BBS9: variants seen among roughly 807,000 people sequenced by gnomAD.
BBS9 encodes the protein Bardet-Biedl syndrome 9, also known as protein PTHB1.
A neutral mutation model predicts 117.7 loss-of-function variants in BBS9; 89 were observed. That is an observed-to-expected ratio of 0.76 (90% confidence interval 0.64 to 0.90). BBS9 has a LOEUF of 0.90. BBS9 is among the 40% of genes least tolerant of loss of function. The pLI, the probability that BBS9 is intolerant of heterozygous loss-of-function variation, is 0.00. For missense variants in BBS9, 982 were observed against 1,042.2 expected, an observed-to-expected ratio of 0.94 and a Z score of 0.80; for synonymous variants, 379 against 370.9, an observed-to-expected ratio of 1.02 and a Z score of -0.25.
chr7:33,478,768 TCTAA>T (rs1842130195), intron 19 of BBS9, among the ~76,000 whole-genome samples: 3 of 152,124 alleles, frequency 2.0e-5, no homozygotes, highest in East Asian at 1.9e-4. Context: ...TATTTTATTT[TCTAA>T]CTGTTTGTGA....
At chr7:33,209,546 A>T (rs1787615632) in intron 5 of BBS9, among the ~76,000 whole-genome samples, 1 of 152,110 alleles carries the variant, frequency 6.6e-6, no homozygotes, top group Non-Finnish European at 1.5e-5. Context: ...GATTGTACTA[A>T]TTATTCCCAT....
At chr7:33,392,144 C>T (rs990510197) in intron 19 of BBS9, among the ~76,000 whole-genome samples, 2 of 152,204 alleles carry the variant, frequency 1.3e-5, no homozygotes, top group African/African-American at 4.8e-5. Flanking sequence ...CATTCTTCTA[C>T]TGAGCTAAAA....
At chr7:33,320,887 C>A (rs1811572667) in intron 9 of BBS9, among the ~76,000 whole-genome samples, 1 of 151,836 alleles carries the variant, frequency 6.6e-6, no homozygotes, top group African/African-American at 2.4e-5. Flanking sequence ...AGTCTTTAAT[C>A]CATTTTGATT....
At chr7:33,262,949 A>G (rs1026725778) in intron 6 of BBS9, among the ~76,000 whole-genome samples, 3 of 152,096 alleles carry the variant, frequency 2.0e-5, no homozygotes, top group African/African-American at 4.8e-5. Flanking sequence ...ACTCTGAGTT[A>G]TACTTAGCTG....
intron 18 of BBS9, 137 bp downstream of exon 18, chr7:33,383,975 GT>G: frequency 7.6e-6 from 7 of 916,596 alleles, no homozygotes; most frequent in Non-Finnish European, 1.1e-5. Flanking sequence ...GGTGGATTTC[GT>G]GAATCCATTC....
chr7:33,299,811 C>T (rs112387756), intron 9 of BBS9, among the ~76,000 whole-genome samples: 36 of 152,100 alleles, frequency 2.4e-4, no homozygotes, highest in African/African-American at 7.2e-4. Context: ...CGCTTAGAAA[C>T]GTTAGCAAAC....
In BBS9 at chr7:33,165,351, AT is replaced by A. The variant is rs1795506676; in HGVS notation, c.328+9652del. Among the ~76,000 whole-genome samples, 3 of 151,972 alleles carry A rather than the reference AT, an allele frequency of 2.0e-5. No individual in the cohort carries two copies. In the South Asian group the frequency reaches 6.2e-4, roughly 32 times the overall value. On this transcript the variant is annotated intron_variant, in intron 4 of 22. Coordinates refer to ENST00000242067, the MANE Select transcript of BBS9 (RefSeq NM_198428.3). ...GGAGTGTCTTTGTGGCATTATCTGT[AT>A]TTCCTGAATTTGAATGTTGGCCTGC...
intron 21 of BBS9, among the ~76,000 whole-genome samples, chr7:33,598,600 T>C (rs1863293108): frequency 6.6e-6 from 1 of 152,180 alleles, no homozygotes; most frequent in African/African-American, 2.4e-5. Flanking sequence ...AGAGGATATA[T>C]AGGAATTCTC....
At chr7:33,207,391 C>T (rs1787128625) in intron 5 of BBS9, among the ~76,000 whole-genome samples, 1 of 152,096 alleles carries the variant, frequency 6.6e-6, no homozygotes, top group African/African-American at 2.4e-5. Context: ...TATTTGTCTG[C>T]TTATTATGTG....
At chr7:33,203,935 C>T (rs192372138) in intron 5 of BBS9, among the ~76,000 whole-genome samples, 2,543 of 150,450 alleles carry the variant, frequency 0.017, 59 homozygotes, top group African/African-American at 0.058. Context: ...ATTGGCCAGG[C>T]TGGTCTCAAA....
Position 33,383,981 on chromosome 7 carries a change from C to A in BBS9, c.1962+143C>A, listed in dbSNP as rs189213369. 5.9e-6 allele frequency: 5 copies of A among 853,450 alleles called. No homozygotes were observed. The East Asian group carries it at 1.3e-4, about 23-fold the overall frequency. 52.9% of individuals were successfully genotyped at this position (853,450 alleles called of 1,614,324 possible). On this transcript the variant is annotated intron_variant, in intron 18 of 22. Transcript: ENST00000242067. Reference sequence around the variant, plus strand: ...TATGTGGATGGTGGATTTCGTGAATCCATTCCTGCCCACTTGCCCAGTTTG... The same window carrying A: ...TATGTGGATGGTGGATTTCGTGAATACATTCCTGCCCACTTGCCCAGTTTG...
chr7:33,517,141 G>T (rs1196728940), intron 20 of BBS9, among the ~76,000 whole-genome samples: 1 of 152,242 alleles, frequency 6.6e-6, no homozygotes, highest in Non-Finnish European at 1.5e-5. Flanking sequence ...GAAAATGGGA[G>T]AAGAGTTAAA....
chr7:33,316,638 A>AT (rs1251672223), intron 9 of BBS9, among the ~76,000 whole-genome samples: 1 of 152,176 alleles, frequency 6.6e-6, no homozygotes, highest in Admixed American at 6.5e-5. Flanking sequence ...CATTTCCCTG[A>AT]TAACTAATGA....
intron 5 of BBS9, among the ~76,000 whole-genome samples, chr7:33,185,769 A>G (rs1798725788): frequency 6.6e-6 from 1 of 152,214 alleles, no homozygotes; most frequent in Non-Finnish European, 1.5e-5. Context: ...GTCATGTCTC[A>G]ATAAAGGAAT....
chr7:33,268,014 A>G (rs1292878838), intron 7 of BBS9, among the ~76,000 whole-genome samples: 1 of 152,148 alleles, frequency 6.6e-6, no homozygotes, highest in Non-Finnish European at 1.5e-5. Flanking sequence ...AAGACTTGTT[A>G]AGTGGGACCA....
intron 9 of BBS9, among the ~76,000 whole-genome samples, chr7:33,325,787 G>A (rs1017664680): frequency 6.6e-6 from 1 of 152,066 alleles, no homozygotes; most frequent in African/African-American, 2.4e-5. Context: ...TAATTCTCTG[G>A]ATTACTAGGG....
Position 33,383,721 on chromosome 7 carries a change from G to A in BBS9, c.1845G>A (p.Glu615=). The change falls in exon 18 of 23, where the codon GAG becomes GAA. Residue 615 remains glutamate, a synonymous_variant. Coordinates refer to ENST00000242067, the MANE Select transcript of BBS9 (RefSeq NM_198428.3). ...QFEDLWLITN[E]LILRLQEYFE... The stretch of plus-strand genomic sequence containing the variant: ...AAGATCTTTGGCTCATAACCAATGA[G>A]CTTATTCTTCGCCTTCAAGAATATT... 2 of 1,611,816 alleles carry A rather than the reference G, an allele frequency of 1.2e-6. No individual in the cohort carries two copies. Among genetic ancestry groups the A allele is most frequent in the Non-Finnish European group, 8.5e-7 (1 of 1,178,870 alleles).
At chr7:33,504,874 C>T (rs1845930327) in intron 19 of BBS9, among the ~76,000 whole-genome samples, 1 of 150,206 alleles carries the variant, frequency 6.7e-6, no homozygotes, top group Non-Finnish European at 1.5e-5. Context: ...CTTTCAGGTC[C>T]CTGTGGGCTG....
intron 20 of BBS9, chr7:33,533,607 A>G (rs1175507353): frequency 3.4e-6 from 1 of 295,736 alleles, no homozygotes; most frequent in African/African-American, 2.1e-5. Flanking sequence ...CCACCAGATC[A>G]TTAAACAGAC....
Sources: gnomAD v4.1 joint callset for allele counts (sites outside exome capture counted in the v4.1 genomes callset) on GRCh38, gnomAD v4.1.1 for gene constraint, MANE v1.5 for transcripts, NCBI Gene and HGNC (gene_info 2026-07-23, HGNC 2026-07-21) for gene names.